Variants in ZBTB21 observed in about 807,000 individuals in gnomAD.
ZBTB21 encodes the protein zinc finger and BTB domain containing 21.
In ZBTB21, 10 loss-of-function variants were observed where a neutral mutation model predicts 39.8. The observed-to-expected ratio is 0.25, with a 90% confidence interval of 0.16 to 0.43. The LOEUF (loss-of-function observed/expected upper bound fraction) is 0.43. Among genes scored for constraint, ZBTB21 ranks in the 20% least tolerant of loss-of-function variants. ZBTB21 has a pLI of 1.00. For missense variants in ZBTB21, 1,221 were observed against 1,296.3 expected (o/e 0.94, Z 0.89); for synonymous variants, 551 against 498.8 (o/e 1.10, Z -1.40).
chr21:41,997,880 C>T (rs1184460928), intron 2 of ZBTB21, among the ~76,000 whole-genome samples: 1 of 151,892 alleles, frequency 6.6e-6, no homozygotes, highest in Non-Finnish European at 1.5e-5. Flanking sequence ...TGCAGGCTGG[C>T]TGATTGTCCT....
chr21:41,998,490 T>C (rs938365650), intron 2 of ZBTB21, among the ~76,000 whole-genome samples: 2 of 152,176 alleles, frequency 1.3e-5, no homozygotes, highest in African/African-American at 4.8e-5. Context: ...CACAGCTGGC[T>C]CATCCCTTTC....
chr21:41,993,027 T>C lies in ZBTB21; in HGVS notation c.1069A>G (p.Ile357Val), dbSNP rs1015437087. The C allele has an allele frequency of 1.7e-5, 27 of 1,614,094 alleles. No individual in the cohort carries two copies. Among genetic ancestry groups the C allele is most frequent in the South Asian group, 1.5e-4 (14 of 91,082 alleles). The change falls in exon 3 of 3, where the codon ATA becomes GTA. Residue 357 changes from isoleucine (I) to valine (V), a missense_variant. Physicochemically the swap from Ile to Val is conservative, Grantham distance 29. Coordinates refer to ENST00000310826, the MANE Select transcript of ZBTB21 (RefSeq NM_001098402.2). Reference sequence around the variant, plus strand: ...GATCCCTGGGAAGATTTCAAATCTATGGAAGGTGAATAGACAGGAACCTGG... The same window carrying C: ...GATCCCTGGGAAGATTTCAAATCTACGGAAGGTGAATAGACAGGAACCTGG... ...DSQVPVYSPS[I>V]DLKSSQGSSS... is the part of the protein sequence containing the mutation.
intron 1 of ZBTB21, among the ~76,000 whole-genome samples, chr21:42,004,910 A>G (rs1186610740): frequency 6.6e-6 from 1 of 152,238 alleles, no homozygotes; most frequent in Non-Finnish European, 1.5e-5. Context: ...GGTGATAGGA[A>G]GTTGCCTCTG....
At chr21:42,003,624 C>T (rs1319341188) in intron 1 of ZBTB21, among the ~76,000 whole-genome samples, 1 of 152,134 alleles carries the variant, frequency 6.6e-6, no homozygotes, top group East Asian at 1.9e-4. Context: ...ACATGATGCA[C>T]AAAGGAAAGG....
intron 2 of ZBTB21, among the ~76,000 whole-genome samples, chr21:41,997,717 A>C (rs564502523): frequency 5.3e-5 from 8 of 152,364 alleles, no homozygotes; most frequent in Admixed American, 3.9e-4. Flanking sequence ...CAACAATAGC[A>C]CAAAGGAAAC....
chr21:41,993,692 A>G lies in ZBTB21; in HGVS notation c.404T>C (p.Val135Ala), dbSNP rs2070566942. The G allele has an allele frequency of 1.2e-6, 2 of 1,614,026 alleles. No homozygotes were observed. Among genetic ancestry groups the G allele is most frequent in the Admixed American group, 1.7e-5 (1 of 60,004 alleles). The change falls in exon 3 of 3, where the codon GTG becomes GCG. Residue 135 changes from valine to alanine, a missense_variant. Transcript: ENST00000310826. ...ACTGTTTTCATCATCTTCTACAAAC[A>G]CTTTTTTTCTATTAGGACACGTTGG... ...PFPTCPNRKKVFVEDDENSSQ... is the reference protein window; with the variant it reads ...PFPTCPNRKKAFVEDDENSSQ...
intron 2 of ZBTB21, among the ~76,000 whole-genome samples, chr21:41,997,098 T>C (rs1012642698): frequency 6.6e-6 from 1 of 152,176 alleles, no homozygotes; most frequent in Admixed American, 6.5e-5. Flanking sequence ...TTTTATTTTT[T>C]ATTTTTAGAA....
intron 1 of ZBTB21, chr21:42,009,094 C>T (rs969414174): frequency 3.9e-5 from 6 of 152,186 alleles, no homozygotes; most frequent in African/African-American, 1.2e-4. Flanking sequence ...CACGCGTGCC[C>T]TCGGAGGCTC....
chr21:41,997,034 A>C (rs1275265397), intron 2 of ZBTB21, among the ~76,000 whole-genome samples: 1 of 152,166 alleles, frequency 6.6e-6, no homozygotes, highest in African/African-American at 2.4e-5. Context: ...ACCCAGTCTC[A>C]GGTATGTCTT....
Position 41,992,832 on chromosome 21 carries a change from A to G in ZBTB21, c.1264T>C (p.Ser422Pro). The change falls in exon 3 of 3, where the codon TCC becomes CCC. Residue 422 changes from serine (S) to proline (P), a missense_variant. By Grantham distance (74) the Ser-to-Pro change is moderately conservative (BLOSUM62 -1). Coordinates refer to ENST00000310826, the MANE Select transcript of ZBTB21 (RefSeq NM_001098402.2). The surrounding 1 kb of genome is among the most constrained non-coding windows in gnomAD (Gnocchi z 4.1). ...TTTATGCGCACCTCAGTCACAGGGGAAGCTCCCTCCCTGTCTGTTGACTGA... is the reference window on the plus strand; with the variant it reads ...TTTATGCGCACCTCAGTCACAGGGGGAGCTCCCTCCCTGTCTGTTGACTGA... ...ASQSTDREGA[S>P]PVTEVRIKTE... 1.2e-6 allele frequency: 2 copies of G among 1,614,132 alleles called. No individual in the cohort carries two copies. The highest frequency in any genetic ancestry group is 1.7e-6 in the Non-Finnish European group (2 of 1,180,022).
chr21:41,995,156 AC>A (rs1377767558), intron 2 of ZBTB21, among the ~76,000 whole-genome samples: 1 of 152,222 alleles, frequency 6.6e-6, no homozygotes, highest in Non-Finnish European at 1.5e-5. Flanking sequence ...CTGAAAAGAT[AC>A]CCGAAAATGT....
Position 41,988,885 on chromosome 21 carries a change from G to A in ZBTB21, c.*2010C>T, listed in dbSNP as rs1253856584. 1.3e-5 allele frequency: 2 copies of A among 151,868 alleles called. No homozygotes were observed. The highest frequency in any genetic ancestry group is 2.4e-5 in the African/African-American group (1 of 41,376). The allele number at this position is 151,868 out of a possible 1,614,324, so 9.4% of individuals were successfully genotyped here. ...TACTCTGTATCATGGAATTATCACC[G>A]ATAGATACTCTAATGGCCATGTAGG... is the stretch of plus-strand genomic sequence containing the variant. On this transcript the variant is annotated 3_prime_UTR_variant, in exon 3 of 3. Coordinates refer to ENST00000310826, the MANE Select transcript of ZBTB21 (RefSeq NM_001098402.2).
Position 41,991,016 on chromosome 21 carries a change from A to C in ZBTB21, c.3080T>G (p.Leu1027Arg). The C allele has an allele frequency of 6.4e-7, 1 of 1,572,426 alleles. No homozygotes were observed. Among genetic ancestry groups the C allele is most frequent in the Non-Finnish European group, 8.6e-7 (1 of 1,161,056 alleles). The stretch of plus-strand genomic sequence containing the variant: ...TGAAAGGGGTGGGGCATGGTAAAAA[A>C]GGGTGTCTGATTCTTGGGGCACAAA... The part of the protein sequence containing the change: ...KLFVPQESDT[L>R]FYHAPPLSAI... Residue 1027 changes from leucine to arginine, a missense_variant, in exon 3 of 3, where the codon CTT becomes CGT. This residue lies in a region of ZBTB21 where 523 missense variants were observed against 542.5 expected (regional missense o/e 0.96). Coordinates refer to ENST00000310826, the MANE Select transcript of ZBTB21 (RefSeq NM_001098402.2). This position sits in a 1 kb window ranked among gnomAD's most constrained non-coding sequence, Gnocchi z 4.9.
In ZBTB21 at chr21:41,988,843, A is replaced by G. The variant is rs1317898581; in HGVS notation, c.*2052T>C. The G allele has an allele frequency of 6.6e-6, 1 of 152,068 alleles. No individual in the cohort carries two copies. Among genetic ancestry groups the G allele is most frequent in the Non-Finnish European group, 1.5e-5 (1 of 67,976 alleles). 9.4% of individuals were successfully genotyped at this position (152,068 alleles called of 1,614,324 possible). On this transcript the variant is annotated 3_prime_UTR_variant, in exon 3 of 3. Coordinates refer to ENST00000310826, the MANE Select transcript of ZBTB21 (RefSeq NM_001098402.2). ...TAAAGGTTTAGGTCCTGGGATACTG[A>G]ATTTATAATGCCAAGATACTCTGTA...
Position 41,993,962 on chromosome 21 carries a change from T to C in ZBTB21, c.134A>G (p.Lys45Arg). ...IVGDQKFRAHKNVLAASSEYF... is the reference protein window; with the variant it reads ...IVGDQKFRAHRNVLAASSEYF... ...TTCGCTGCTGGCAGCCAAGACGTTT[T>C]TATGAGCTCGGAACTTTTGGTCTCC... The change falls in exon 3 of 3, where the codon AAA becomes AGA. Residue 45 changes from lysine (K) to arginine (R), a missense_variant. Lys to Arg is a conservative substitution (Grantham distance 26, BLOSUM62 2). Transcript: ENST00000310826. 1.2e-6 allele frequency: 2 copies of C among 1,614,264 alleles called. No homozygotes were observed. Among genetic ancestry groups the C allele is most frequent in the Non-Finnish European group, 1.7e-6 (2 of 1,180,040 alleles).
chr21:41,995,187 G>A (rs553035836), intron 2 of ZBTB21, among the ~76,000 whole-genome samples: 1 of 152,326 alleles, frequency 6.6e-6, no homozygotes, highest in East Asian at 1.9e-4. Flanking sequence ...TTTGGAACTG[G>A]GTAACAGGCA....
In ZBTB21 at chr21:42,009,923, T is replaced by TA. The variant is rs562128634; in HGVS notation, c.-79+328dup. 7.8e-4 allele frequency among the ~76,000 whole-genome samples: 118 copies of TA among 152,222 alleles called. 1 individual carries two copies. The Middle Eastern group carries it at 0.031, about 39-fold the overall frequency. ...GCGCGCCTGGGCCAGGCGTGTCCCC[T>TA]ACCCCAGGGGCAGCTCGGCCAGGGT... On this transcript the variant is annotated intron_variant, in intron 1 of 2. Transcript: ENST00000310826.
At chr21:42,005,613 C>T (rs1042981947) in intron 1 of ZBTB21, among the ~76,000 whole-genome samples, 4 of 152,206 alleles carry the variant, frequency 2.6e-5, no homozygotes, top group Non-Finnish European at 5.9e-5. Flanking sequence ...TATATTTCCA[C>T]GTGGTATTCA....
At chr21:41,996,824 T>C (rs1020879265) in intron 2 of ZBTB21, among the ~76,000 whole-genome samples, 2 of 152,184 alleles carry the variant, frequency 1.3e-5, no homozygotes, top group African/African-American at 4.8e-5. Context: ...GGGGCAGGTC[T>C]TTCTTATGCT....
Sources: allele counts gnomAD v4.1 joint callset (sites outside exome capture counted in the v4.1 genomes callset), GRCh38; gene constraint gnomAD v4.1.1; regional missense constraint gnomAD v4.1.1; non-coding constraint Gnocchi (gnomAD v3.1); transcripts MANE v1.5; gene names NCBI Gene and HGNC (gene_info 2026-07-23, HGNC 2026-07-21).